The following BEND3 variants were observed in gnomAD, a reference collection of about 807,000 sequenced individuals.
The protein encoded by BEND3 is BEN domain-containing protein 3.
Under a neutral mutation model 60.1 loss-of-function variants are expected in BEND3, and 13 were observed. That is an observed-to-expected ratio of 0.22 (90% confidence interval 0.14 to 0.34). BEND3 has a LOEUF of 0.34. Among genes scored for constraint, BEND3 ranks in the 10% least tolerant of loss-of-function variants. BEND3 has a pLI of 1.00. For missense variants in BEND3, 896 were observed against 1,138.1 expected (o/e 0.79, Z 3.06); for synonymous variants, 497 against 491.5 (o/e 1.01, Z -0.15).
At position 107,113,639 on chromosome 6, in the gene BEND3, G is replaced by A. The variant is rs138331020; in HGVS notation, c.-12+1451C>T. On this transcript the variant is annotated intron_variant, in intron 1 of 3. Coordinates refer to ENST00000369042, the MANE Select transcript of BEND3 (RefSeq NM_001367314.1). ...CGCCTACTAAGTTATGAGACACCGG[G>A]TTAGAGGCTGGGGATGTGAAACTGT... Among the ~76,000 whole-genome samples, 785 of 152,122 alleles carry A rather than the reference G, an allele frequency of 5.2e-3. 6 individuals are homozygous for A. Among genetic ancestry groups the A allele is most frequent in the African/African-American group, 0.018 (741 of 41,486 alleles).
At chr6:107,089,915 A>G (rs1181797015) in intron 3 of BEND3, among the ~76,000 whole-genome samples, 3 of 151,930 alleles carry the variant, frequency 2.0e-5, no homozygotes, top group Admixed American at 6.6e-5. Context: ...GATTTACTAC[A>G]ATCCCTATCA....
At chr6:107,106,630 G>A (rs2115036001) in intron 1 of BEND3, among the ~76,000 whole-genome samples, 1 of 152,068 alleles carries the variant, frequency 6.6e-6, no homozygotes, top group East Asian at 1.9e-4. Flanking sequence ...TTTCCCCAGA[G>A]ATGGGGGTCT....
At chr6:107,106,749 T>C (rs311212) in intron 1 of BEND3, among the ~76,000 whole-genome samples, 4,153 of 152,068 alleles carry the variant, frequency 0.027, 193 homozygotes, top group African/African-American at 0.095. Context: ...GCTAGGACTA[T>C]AGGTGCACGC....
At chr6:107,101,361 G>T (rs1554236737) in intron 1 of BEND3, among the ~76,000 whole-genome samples, 2 of 152,178 alleles carry the variant, frequency 1.3e-5, no homozygotes, top group Non-Finnish European at 1.5e-5. Context: ...GTGTCTGGGT[G>T]ATCCATGAGC....
intron 3 of BEND3, among the ~76,000 whole-genome samples, chr6:107,072,748 G>A (rs1405653148): frequency 6.6e-6 from 1 of 152,150 alleles, no homozygotes; most frequent in Non-Finnish European, 1.5e-5. Flanking sequence ...ACTTTGGGAG[G>A]CCAAGATGGG....
chr6:107,097,225 G>A lies in BEND3; in HGVS notation c.240+1326C>T, dbSNP rs546360746. Among the ~76,000 whole-genome samples the A allele has an allele frequency of 1.2e-4, 18 of 151,734 alleles. No homozygotes were observed. In the South Asian group the frequency reaches 3.5e-3, roughly 30 times the overall value. Reference sequence around the variant, plus strand: ...CTACTAAAAATACAAAAATTAGCCGGGCGTGGTGGCACACGCTTATAATCC... The same window carrying A: ...CTACTAAAAATACAAAAATTAGCCGAGCGTGGTGGCACACGCTTATAATCC... On this transcript the variant is annotated intron_variant, in intron 3 of 3. Transcript: ENST00000369042.
chr6:107,111,017 T>C (rs149011531), intron 1 of BEND3, among the ~76,000 whole-genome samples: 10 of 142,186 alleles, frequency 7.0e-5, no homozygotes, highest in African/African-American at 2.6e-4. Context: ...TATAAAAAAT[T>C]AGCCAGGTGT....
chr6:107,069,983 T>A lies in BEND3; in HGVS notation c.1208A>T (p.Glu403Val). The A allele has an allele frequency of 6.2e-7, 1 of 1,613,680 alleles. No individual in the cohort carries two copies. The highest frequency in any genetic ancestry group is 8.5e-7 in the Non-Finnish European group (1 of 1,179,976). Residue 403 changes from glutamate (E) to valine (V), a missense_variant, in exon 4 of 4, where the codon GAA becomes GTA. Glu to Val is a moderately radical substitution (Grantham distance 121, BLOSUM62 -2). Coordinates refer to ENST00000369042, the MANE Select transcript of BEND3 (RefSeq NM_001367314.1). The stretch of plus-strand genomic sequence containing the variant: ...GGCAAACTCGCCTGGTGAGGAGGCT[T>A]CGTCCAGGAACTCAGTGAGGTCCTG... ...DTQDLTEFLD[E>V]ASSPGEFAVF...
At chr6:107,086,611 T>C (rs1775354041) in intron 3 of BEND3, among the ~76,000 whole-genome samples, 1 of 151,758 alleles carries the variant, frequency 6.6e-6, no homozygotes, top group South Asian at 2.1e-4. Flanking sequence ...AGACTCCGTC[T>C]TAAAAAAAAG....
At chr6:107,086,672 C>T (rs577751885) in intron 3 of BEND3, among the ~76,000 whole-genome samples, 11 of 152,056 alleles carry the variant, frequency 7.2e-5, no homozygotes, top group Admixed American at 5.2e-4. Flanking sequence ...TCCTCTCCCC[C>T]GACATTATTG....
Position 107,111,981 on chromosome 6 carries a change from CAAAAAAAAAAAA to C in BEND3, c.-12+3097_-12+3108del, listed in dbSNP as rs57840795. 1.9e-3 allele frequency among the ~76,000 whole-genome samples: 271 copies of C among 145,130 alleles called. 1 individual carries two copies. Among genetic ancestry groups the C allele is most frequent in the East Asian group, 2.8e-3 (14 of 5,038 alleles). ...TGGGCACCAGAGTGAGACTCCGTTT[CAAAAAAAAAAAA>C]AAAAAAAAAAAAATTAAGCACCAGG... On this transcript the variant is annotated intron_variant, in intron 1 of 3. Coordinates refer to ENST00000369042, the MANE Select transcript of BEND3 (RefSeq NM_001367314.1).
At chr6:107,113,805 G>C (rs1290112227) in intron 1 of BEND3, 1 of 152,144 alleles carries the variant, frequency 6.6e-6, no homozygotes, top group Non-Finnish European at 1.5e-5. Flanking sequence ...GTGGAAGTGG[G>C]GAGCGGGTAA....
intron 3 of BEND3, among the ~76,000 whole-genome samples, chr6:107,094,360 T>C (rs1775537144): frequency 6.6e-6 from 1 of 151,918 alleles, no homozygotes; most frequent in African/African-American, 2.4e-5. Flanking sequence ...TGGTGGCTCA[T>C]GCCTGTAATC....
chr6:107,069,683 C>A lies in BEND3; in HGVS notation c.1508G>T (p.Ser503Ile), dbSNP rs782288019. The A allele has an allele frequency of 6.2e-7, 1 of 1,609,802 alleles. No individual in the cohort carries two copies. Among genetic ancestry groups the A allele is most frequent in the South Asian group, 1.1e-5 (1 of 91,084 alleles). ...GACCACTGAGATGTCGTCGGGCAGA[C>A]TGGAGGAGTCGTAGCAGTCATCACG... The part of the protein sequence containing the change: ...PPRDDCYDSS[S>I]LPDDISVVKV... Residue 503 changes from serine (S) to isoleucine (I), a missense_variant, in exon 4 of 4, where the codon AGT (serine) becomes ATT (isoleucine). This residue lies in a region of BEND3 where 846 missense variants were observed against 1,036.7 expected (regional missense o/e 0.82). Coordinates refer to ENST00000369042, the MANE Select transcript of BEND3 (RefSeq NM_001367314.1).
intron 1 of BEND3, among the ~76,000 whole-genome samples, chr6:107,113,727 G>A (rs773639106): frequency 6.6e-6 from 1 of 152,046 alleles, no homozygotes; most frequent in Non-Finnish European, 1.5e-5. Flanking sequence ...GCTCTTGTAT[G>A]GTAGTATAAA....
intron 3 of BEND3, among the ~76,000 whole-genome samples, chr6:107,096,997 A>T (rs562761944): frequency 2.0e-5 from 3 of 152,232 alleles, no homozygotes; most frequent in African/African-American, 7.2e-5. Flanking sequence ...ACAAAAACAA[A>T]CAAACAAACA....
chr6:107,073,596 A>G (rs1164771683), intron 3 of BEND3, among the ~76,000 whole-genome samples: 1 of 152,114 alleles, frequency 6.6e-6, no homozygotes, highest in Non-Finnish European at 1.5e-5. Flanking sequence ...CCATTCTCAA[A>G]TACATGCTTA....
chr6:107,085,038 C>T (rs1340153018), intron 3 of BEND3, among the ~76,000 whole-genome samples: 2 of 152,164 alleles, frequency 1.3e-5, no homozygotes, highest in Non-Finnish European at 2.9e-5. Context: ...TAACACTCAT[C>T]ACGACGGTCT....
chr6:107,098,910 CA>C lies in BEND3; in HGVS notation c.38-158del, dbSNP rs569703251. Among the ~76,000 whole-genome samples the C allele has an allele frequency of 1.2e-4, 18 of 152,276 alleles. No individual in the cohort carries two copies. The South Asian group carries it at 3.7e-3, about 32-fold the overall frequency. On this transcript the variant is annotated intron_variant, in intron 2 of 3. Coordinates refer to ENST00000369042, the MANE Select transcript of BEND3 (RefSeq NM_001367314.1). ...AACAAACCTGAGCTTTCCAACGATG[CA>C]ATCTTTATCTCACCGCACTAGTGCT...
Sources: allele counts gnomAD v4.1 joint callset (sites outside exome capture counted in the v4.1 genomes callset), GRCh38; gene constraint gnomAD v4.1.1; regional missense constraint gnomAD v4.1.1; transcripts MANE v1.5; gene names NCBI Gene and HGNC (gene_info 2026-07-23, HGNC 2026-07-21).